RBFOX2: variants seen among roughly 807,000 people sequenced by gnomAD.
The protein encoded by RBFOX2 is RNA binding fox-1 homolog 2, also known as RNA binding protein fox-1 homolog 2.
Under a neutral mutation model 49.1 loss-of-function variants are expected in RBFOX2, and 10 were observed. That is an observed-to-expected ratio of 0.20 (90% CI 0.13 to 0.35). RBFOX2 has a LOEUF of 0.35. Ranked by LOEUF, RBFOX2 falls within the 10% of genes least tolerant of loss-of-function variation. The pLI is 1.00. For missense variants in RBFOX2, 323 were observed against 486.9 expected (o/e 0.66, Z 3.17); for synonymous variants, 183 against 187.4 (o/e 0.98, Z 0.19).
chr22:35,956,686 G>A (rs147253017), intron 1 of RBFOX2, among the ~76,000 whole-genome samples: 215 of 152,084 alleles, frequency 1.4e-3, no homozygotes, highest in African/African-American at 4.6e-3. Context: ...TAAAACGTCC[G>A]AATACCATAG....
chr22:35,817,918 A>G (rs1054609116), intron 1 of RBFOX2, among the ~76,000 whole-genome samples: 3 of 151,642 alleles, frequency 2.0e-5, no homozygotes, highest in African/African-American at 7.3e-5. Flanking sequence ...GCCAACAAGA[A>G]TATTGTAAAC....
At chr22:35,968,759 G>A (rs936090329) in intron 1 of RBFOX2, among the ~76,000 whole-genome samples, 2 of 152,142 alleles carry the variant, frequency 1.3e-5, no homozygotes, top group African/African-American at 2.4e-5. Context: ...GTGGAAAACA[G>A]ACATAGTCCT....
chr22:36,015,195 A>G (rs773704793), intron 1 of RBFOX2, among the ~76,000 whole-genome samples: 1 of 152,246 alleles, frequency 6.6e-6, no homozygotes, highest in Non-Finnish European at 1.5e-5. Context: ...TATCAGCTTA[A>G]TAAGAGTCAT....
intron 1 of RBFOX2, among the ~76,000 whole-genome samples, chr22:36,020,474 G>A (rs1603468258): frequency 6.6e-6 from 1 of 152,064 alleles, no homozygotes; most frequent in South Asian, 2.1e-4. Flanking sequence ...CTACAGAATG[G>A]GAGAAAATTT....
chr22:35,933,953 T>TATATATATATATATATATATATATAC (rs1009021083), intron 1 of RBFOX2, among the ~76,000 whole-genome samples: 34 of 141,062 alleles, frequency 2.4e-4, no homozygotes, highest in African/African-American at 9.5e-4. Flanking sequence ...TATATATATA[T>TATATATATATATATATATATATATAC]ACACACATCA....
In RBFOX2 at chr22:35,976,847, C is replaced by G. The variant is rs985087773; in HGVS notation, c.187-37950G>C. Among the ~76,000 whole-genome samples, 4 of 151,916 alleles carry G rather than the reference C, an allele frequency of 2.6e-5. No individual in the cohort carries two copies. In the East Asian group the frequency reaches 7.8e-4, roughly 29 times the overall value. ...GCCACAGTGGCGTGTGCCTGTAATC[C>G]CAGCTACTTGGGAGGCTGAGGCAGG... On this transcript the variant is annotated intron_variant, in intron 1 of 13. Transcript: ENST00000438146.
chr22:36,015,044 TATA>T (rs1283819719), intron 1 of RBFOX2, among the ~76,000 whole-genome samples: 2 of 152,188 alleles, frequency 1.3e-5, no homozygotes, highest in Non-Finnish European at 2.9e-5. Context: ...AGAAGATGTC[TATA>T]ATGAGTAATG....
chr22:35,995,456 A>G (rs982679523), intron 1 of RBFOX2: 4 of 152,108 alleles, frequency 2.6e-5, no homozygotes, highest in African/African-American at 9.7e-5. Context: ...CTGCCGGGAG[A>G]CAGTGATCCA....
At chr22:35,901,908 C>T (rs914012236) in intron 1 of RBFOX2, among the ~76,000 whole-genome samples, 3 of 151,876 alleles carry the variant, frequency 2.0e-5, no homozygotes, top group Non-Finnish European at 2.9e-5. Flanking sequence ...ATGGTGAAAC[C>T]CCATCTCTGC....
intron 1 of RBFOX2, among the ~76,000 whole-genome samples, chr22:35,930,415 GTAA>G (rs1342701618): frequency 6.6e-6 from 1 of 151,990 alleles, no homozygotes; most frequent in African/African-American, 2.4e-5. Context: ...GACAGGCAAA[GTAA>G]TAATATTTTG....
chr22:35,800,275 G>A (rs573320293), intron 2 of RBFOX2, among the ~76,000 whole-genome samples: 1 of 151,882 alleles, frequency 6.6e-6, no homozygotes. Context: ...TTTCCTAATC[G>A]TCTGCCTGCT....
chr22:35,860,559 T>C (rs916185217), intron 1 of RBFOX2, among the ~76,000 whole-genome samples: 5 of 152,234 alleles, frequency 3.3e-5, no homozygotes, highest in African/African-American at 1.2e-4. Flanking sequence ...AACATGAAGA[T>C]GTAAACCTCA....
At chr22:35,997,620 T>C (rs745734607) in intron 1 of RBFOX2, 7 of 152,216 alleles carry the variant, frequency 4.6e-5, no homozygotes, top group Non-Finnish European at 1.0e-4. Flanking sequence ...GGAACTGAGA[T>C]GCGGAGGGAG....
chr22:35,893,870 A>C (rs897495082), intron 1 of RBFOX2, among the ~76,000 whole-genome samples: 1 of 152,034 alleles, frequency 6.6e-6, no homozygotes, highest in African/African-American at 2.4e-5. Context: ...GGGCAAAGGG[A>C]AACTTTCAAA....
At chr22:36,018,518 G>C (rs1466484145) in intron 1 of RBFOX2, among the ~76,000 whole-genome samples, 1 of 152,194 alleles carries the variant, frequency 6.6e-6, no homozygotes, top group Non-Finnish European at 1.5e-5. Context: ...GACGGAGCTT[G>C]AAAGTTACGC....
chr22:35,998,229 T>C (rs190988582), intron 1 of RBFOX2: 1 of 152,270 alleles, frequency 6.6e-6, no homozygotes, highest in East Asian at 1.9e-4. Context: ...CTATACCATA[T>C]TTTACACCAT....
chr22:36,009,636 G>A (rs571745458), intron 1 of RBFOX2, among the ~76,000 whole-genome samples: 4 of 151,294 alleles, frequency 2.6e-5, no homozygotes, highest in East Asian at 4.0e-4. Flanking sequence ...TGACCCACCC[G>A]CCTTGGCCTC....
chr22:35,811,961 A>G (rs921364626), intron 1 of RBFOX2, among the ~76,000 whole-genome samples: 42 of 132,924 alleles, frequency 3.2e-4, no homozygotes, highest in South Asian at 9.6e-4. Flanking sequence ...CTCTTAAGGG[A>G]AAAAAAAAAA....
intron 3 of RBFOX2, among the ~76,000 whole-genome samples, chr22:35,779,477 CAT>C (rs1352592348): frequency 6.6e-6 from 1 of 152,162 alleles, no homozygotes; most frequent in African/African-American, 2.4e-5. Flanking sequence ...TACAGTAAGA[CAT>C]CTTGGTTTGG....
Sources: gnomAD v4.1 joint callset for allele counts (sites outside exome capture counted in the v4.1 genomes callset) on GRCh38, gnomAD v4.1.1 for gene constraint, MANE v1.5 for transcripts, NCBI Gene and HGNC (gene_info 2026-07-23, HGNC 2026-07-21) for gene names.